Variants in LRRTM4 observed in about 807,000 individuals in gnomAD.
LRRTM4 encodes leucine-rich repeat transmembrane neuronal protein 4.
Under a neutral mutation model 47.6 loss-of-function variants are expected in LRRTM4, and 25 were observed. The ratio of observed to expected loss-of-function variants is 0.53; its 90% CI spans 0.38 to 0.73. The LOEUF (loss-of-function observed/expected upper bound fraction) is 0.73, where lower values mean the gene tolerates loss of function less well. Among genes scored for constraint, LRRTM4 ranks in the 30% least tolerant of loss-of-function variants. The pLI, the probability that LRRTM4 is intolerant of heterozygous loss-of-function variation, is 0.00. For missense variants in LRRTM4, 638 were observed against 713.4 expected (o/e 0.89, Z 1.20); for synonymous variants, 311 against 269.5 (o/e 1.15, Z -1.51).
intron 3 of LRRTM4, among the ~76,000 whole-genome samples, chr2:77,375,654 A>G (rs1332263283): frequency 6.6e-6 from 1 of 151,740 alleles, no homozygotes; most frequent in Non-Finnish European, 1.5e-5. Context: ...GAGTTTAACT[A>G]TTATAGAAAA....
At chr2:77,275,640 T>C (rs1676324130) in intron 3 of LRRTM4, among the ~76,000 whole-genome samples, 1 of 152,128 alleles carries the variant, frequency 6.6e-6, no homozygotes, top group Non-Finnish European at 1.5e-5. Flanking sequence ...TGCAAGGATT[T>C]AGGCTTCTAG....
intron 3 of LRRTM4, among the ~76,000 whole-genome samples, chr2:77,384,122 G>A (rs574676043): frequency 2.4e-4 from 37 of 151,690 alleles, no homozygotes; most frequent in South Asian, 1.0e-3. Context: ...TATTCTTTAC[G>A]GATTTTTAGT....
chr2:77,161,117 C>A (rs1178940756), intron 3 of LRRTM4, among the ~76,000 whole-genome samples: 1 of 152,186 alleles, frequency 6.6e-6, no homozygotes, highest in Non-Finnish European at 1.5e-5. Context: ...GACTTTTCTG[C>A]TAAGCTATAG....
intron 3 of LRRTM4, among the ~76,000 whole-genome samples, chr2:76,886,564 T>A (rs1673082401): frequency 6.6e-6 from 1 of 152,034 alleles, no homozygotes; most frequent in South Asian, 2.1e-4. Flanking sequence ...TACTTAAAGA[T>A]GACATATTTT....
chr2:76,822,059 G>A (rs958648402), intron 3 of LRRTM4, among the ~76,000 whole-genome samples: 5 of 151,578 alleles, frequency 3.3e-5, no homozygotes, highest in African/African-American at 1.2e-4. Context: ...TTGGGCCCAT[G>A]AAAATATTTA....
intron 3 of LRRTM4, among the ~76,000 whole-genome samples, chr2:77,091,085 A>G (rs538222541): frequency 6.6e-6 from 1 of 151,850 alleles, no homozygotes; most frequent in Non-Finnish European, 1.5e-5. Flanking sequence ...CAATACTCTT[A>G]TAAGCACTCC....
intron 3 of LRRTM4, among the ~76,000 whole-genome samples, chr2:76,907,348 T>C (rs992461886): frequency 6.6e-6 from 1 of 150,800 alleles, no homozygotes; most frequent in Middle Eastern, 3.2e-3. Flanking sequence ...AAGTAGTGTG[T>C]AAAGGGAAAT....
chr2:77,008,012 A>T (rs928355767), intron 3 of LRRTM4, among the ~76,000 whole-genome samples: 41 of 152,278 alleles, frequency 2.7e-4, no homozygotes, highest in African/African-American at 9.4e-4. Flanking sequence ...ATTAATCTCC[A>T]CTTCACCAAA....
At chr2:77,287,038 G>A (rs1573197531) in intron 3 of LRRTM4, among the ~76,000 whole-genome samples, 1 of 151,974 alleles carries the variant, frequency 6.6e-6, no homozygotes, top group East Asian at 1.9e-4. Context: ...AATGGGGAGA[G>A]TAGATAGGAA....
chr2:76,842,498 C>A (rs1558687944), intron 3 of LRRTM4, among the ~76,000 whole-genome samples: 2 of 152,112 alleles, frequency 1.3e-5, no homozygotes, highest in Admixed American at 1.3e-4. Context: ...GCACACCTAA[C>A]CTATGGAACA....
At chr2:76,845,445 T>C (rs1466943922) in intron 3 of LRRTM4, among the ~76,000 whole-genome samples, 2 of 151,748 alleles carry the variant, frequency 1.3e-5, no homozygotes, top group African/African-American at 4.8e-5. Context: ...TGAGGGGAGA[T>C]CTCATTATTG....
At chr2:77,483,118 C>CAAAAAAAAAAAAAAA (rs776265725) in intron 3 of LRRTM4, among the ~76,000 whole-genome samples, 10 of 60,594 alleles carry the variant, frequency 1.7e-4, no homozygotes, top group East Asian at 9.2e-4. Context: ...AAGACTGTCT[C>CAAAAAAAAAAAAAAA]AAAAAAAAAA....
chr2:77,279,343 TTTTTG>T (rs1301588047), intron 3 of LRRTM4, among the ~76,000 whole-genome samples: 1 of 151,956 alleles, frequency 6.6e-6, no homozygotes. Context: ...CTTTCGCTGT[TTTTTG>T]TTTTGTTTTG....
chr2:77,207,349 G>GTATATATATATA (rs1553409290), intron 3 of LRRTM4, among the ~76,000 whole-genome samples: 26 of 120,834 alleles, frequency 2.2e-4, no homozygotes, highest in Middle Eastern at 4.4e-3. Flanking sequence ...TCATATATGT[G>GTATATATATATA]TATATATATA....
At chr2:76,912,496 A>C (rs1307104673) in intron 3 of LRRTM4, among the ~76,000 whole-genome samples, 2 of 152,212 alleles carry the variant, frequency 1.3e-5, no homozygotes, top group Admixed American at 1.3e-4. Context: ...TTAGAAACAA[A>C]ATCACAAGCA....
intron 3 of LRRTM4, among the ~76,000 whole-genome samples, chr2:77,163,075 C>T (rs1284836869): frequency 1.3e-5 from 2 of 151,996 alleles, no homozygotes; most frequent in Non-Finnish European, 2.9e-5. Context: ...AGTTAAAACC[C>T]TTGAAAAAAG....
chr2:77,054,430 T>G (rs1207529733), intron 3 of LRRTM4, among the ~76,000 whole-genome samples: 2 of 152,222 alleles, frequency 1.3e-5, no homozygotes, highest in East Asian at 1.9e-4. Flanking sequence ...AGACAAATAC[T>G]TCTCCACAAT....
intron 3 of LRRTM4, among the ~76,000 whole-genome samples, chr2:76,841,686 G>C (rs1671688528): frequency 6.8e-6 from 1 of 146,726 alleles, no homozygotes; most frequent in Non-Finnish European, 1.5e-5. Flanking sequence ...AAACTTTACT[G>C]TGTATATATA....
In LRRTM4 at chr2:77,362,131, A is replaced by AAGAAAGAAAGAAAGAC. The variant is rs1341020340; in HGVS notation, c.1551+156186_1551+156187insGTCTTTCTTTCTTTCT. Among the ~76,000 whole-genome samples the AAGAAAGAAAGAAAGAC allele has an allele frequency of 6.1e-5, 8 of 131,052 alleles. No individual in the cohort carries two copies. The East Asian group carries it at 2.3e-3, about 38-fold the overall frequency. 86.0% of individuals were successfully genotyped at this position (131,052 alleles called of 152,430 possible). On this transcript the variant is annotated intron_variant, in intron 3 of 3. Transcript: ENST00000409884. ...AAAGAAAGAGAGAAAGAAAGAAAGAAAGAAAGAAAGAAAGAAAGAAAGAAA... is the reference window on the plus strand; with the variant it reads ...AAAGAAAGAGAGAAAGAAAGAAAGAAAGAAAGAAAGAAAGACAGAAAGAAAGAAAGAAAGAAAGAAA...
Sources: allele counts gnomAD v4.1 joint callset (sites outside exome capture counted in the v4.1 genomes callset), GRCh38; gene constraint gnomAD v4.1.1; transcripts MANE v1.5; gene names NCBI Gene and HGNC (gene_info 2026-07-23, HGNC 2026-07-21).